SLIT2: variants seen among roughly 807,000 people sequenced by gnomAD.
SLIT2 encodes slit guidance ligand 2.
Under a neutral mutation model 185.7 loss-of-function variants are expected in SLIT2, and 41 were observed. The observed-to-expected ratio is 0.22, with a 90% confidence interval of 0.17 to 0.29. SLIT2 has a LOEUF of 0.29. SLIT2 is among the 10% of genes least tolerant of loss of function. The pLI is 1.00. For missense variants in SLIT2, 1,571 were observed against 1,909.0 expected (o/e 0.82, Z 3.30); for synonymous variants, 693 against 680.2 (o/e 1.02, Z -0.29).
At chr4:20,420,219 T>G (rs1728067224) in intron 4 of SLIT2, among the ~76,000 whole-genome samples, 1 of 152,172 alleles carries the variant, frequency 6.6e-6, no homozygotes, top group South Asian at 2.1e-4. Flanking sequence ...TAGGGTCTTC[T>G]CTGTCCACAT....
chr4:20,382,096 C>T (rs993776089), intron 4 of SLIT2, among the ~76,000 whole-genome samples: 4 of 151,870 alleles, frequency 2.6e-5, no homozygotes, highest in African/African-American at 9.7e-5. Flanking sequence ...AGAAATCAAG[C>T]ATTGAAATTC....
chr4:20,541,647 T>G (rs771244305), intron 20 of SLIT2, 28 bp downstream of exon 20: 2 of 1,601,258 alleles, frequency 1.2e-6, no homozygotes, highest in Non-Finnish European at 1.7e-6. Context: ...ACTCTTTGAT[T>G]GTCAGGCATT....
In SLIT2 at chr4:20,472,220, G is replaced by A. The variant is rs1026287496; in HGVS notation, c.467+4397G>A. ...AATTGCTTTAGAAATGTGTGTGTGT[G>A]TGTATATATATATAGATCTATATAT... is the stretch of plus-strand genomic sequence containing the variant. On this transcript the variant is annotated intron_variant, in intron 5 of 36. Coordinates refer to ENST00000504154, the MANE Select transcript of SLIT2 (RefSeq NM_004787.4). 3.9e-5 allele frequency among the ~76,000 whole-genome samples: 4 copies of A among 102,806 alleles called. No individual in the cohort carries two copies. The East Asian group carries it at 8.5e-4, about 22-fold the overall frequency. The allele number at this position is 102,806 out of a possible 152,430, so 67.4% of individuals were successfully genotyped here. A position where few individuals can be genotyped will look rare whatever the true frequency, so the allele number is the denominator to read the frequency against.
chr4:20,376,633 T>C (rs573037666), intron 4 of SLIT2, among the ~76,000 whole-genome samples: 1 of 152,252 alleles, frequency 6.6e-6, no homozygotes, highest in South Asian at 2.1e-4. Context: ...TATCTTTACA[T>C]ATGCATCTTC....
At chr4:20,527,659 G>A (rs1358879033) in intron 15 of SLIT2, among the ~76,000 whole-genome samples, 1 of 152,024 alleles carries the variant, frequency 6.6e-6, no homozygotes, top group East Asian at 1.9e-4. Context: ...GTTTTCTTGT[G>A]AGACCACCGT....
chr4:20,400,271 G>C (rs141556714), intron 4 of SLIT2, among the ~76,000 whole-genome samples: 30 of 151,826 alleles, frequency 2.0e-4, no homozygotes, highest in African/African-American at 7.0e-4. Context: ...GTAAAAGTGG[G>C]TGTGGAGAAA....
intron 30 of SLIT2, among the ~76,000 whole-genome samples, chr4:20,590,216 GTTTAGTACACT>G (rs1727411298): frequency 6.6e-6 from 1 of 152,020 alleles, no homozygotes; most frequent in African/African-American, 2.4e-5. Context: ...CAGACTTTTT[GTTTAGTACACT>G]AAAGAAAAAT....
chr4:20,600,542 C>A (rs1728330914), intron 33 of SLIT2, among the ~76,000 whole-genome samples: 1 of 151,238 alleles, frequency 6.6e-6, no homozygotes, highest in Non-Finnish European at 1.5e-5. Flanking sequence ...CCTGCCTCGG[C>A]CTCCCAAGTA....
rs751909048 is a variant in SLIT2 at position 20,484,562 on chromosome 4, C to A, written c.540-1638C>A. 1.3e-5 allele frequency among the ~76,000 whole-genome samples: 2 copies of A among 152,012 alleles called. No homozygotes were observed. The highest frequency in any genetic ancestry group is 2.4e-5 in the African/African-American group (1 of 41,392). ...ATGATCTGGGTCTCTAGCTGACATG[C>A]CCTGTTTTACTGAAAAGTTTTTGTC... On this transcript the variant is annotated intron_variant, in intron 6 of 36. Coordinates refer to ENST00000504154, the MANE Select transcript of SLIT2 (RefSeq NM_004787.4). The surrounding 1 kb of genome is among the most constrained non-coding windows in gnomAD (Gnocchi z 4.3).
chr4:20,395,482 G>A lies in SLIT2; in HGVS notation c.396-72270G>A, dbSNP rs372873978. ...AGGGACCATTGAGGTATTTTCTTCA[G>A]GAGGTATATGATGTGATATAATTTA... is the stretch of plus-strand genomic sequence containing the variant. On this transcript the variant is annotated intron_variant, in intron 4 of 36. Coordinates refer to ENST00000504154, the MANE Select transcript of SLIT2 (RefSeq NM_004787.4). Among the ~76,000 whole-genome samples the A allele has an allele frequency of 5.9e-5, 9 of 152,116 alleles. No individual in the cohort carries two copies. The East Asian group carries it at 1.2e-3, about 20-fold the overall frequency.
intron 4 of SLIT2, among the ~76,000 whole-genome samples, chr4:20,454,183 G>A (rs868136122): frequency 3.9e-5 from 6 of 152,172 alleles, no homozygotes; most frequent in African/African-American, 1.2e-4. Context: ...TGAGTTTCAT[G>A]CTGCATAACC....
intron 4 of SLIT2, among the ~76,000 whole-genome samples, chr4:20,361,076 G>T (rs1363990564): frequency 6.6e-6 from 1 of 152,066 alleles, no homozygotes; most frequent in Non-Finnish European, 1.5e-5. Context: ...TTACCTTGCA[G>T]GACATCCTTT....
chr4:20,569,067 C>G (rs750892049), intron 29 of SLIT2, 63 bp downstream of exon 29: 1 of 1,341,086 alleles, frequency 7.5e-7, no homozygotes, highest in South Asian at 1.2e-5. Context: ...ATCATTGGAA[C>G]TATGTTATAT....
chr4:20,495,326 AGAGTGT>A (rs1395985984), intron 9 of SLIT2, among the ~76,000 whole-genome samples: 1 of 152,212 alleles, frequency 6.6e-6, no homozygotes, highest in Admixed American at 6.5e-5. Flanking sequence ...GAGAGAAACG[AGAGTGT>A]GAGAGTTATA....
At chr4:20,472,385 T>TATATCTATATCTATA (rs1560453709) in intron 5 of SLIT2, among the ~76,000 whole-genome samples, 1 of 39,260 alleles carries the variant, frequency 2.5e-5, no homozygotes. Flanking sequence ...TCTATATATA[T>TATATCTATATCTATA]GTAGATATAT....
intron 4 of SLIT2, among the ~76,000 whole-genome samples, chr4:20,292,011 G>C (rs896035825): frequency 3.3e-5 from 5 of 151,592 alleles, no homozygotes; most frequent in Non-Finnish European, 7.4e-5. Flanking sequence ...ATAGACTATG[G>C]CTGGACTATG....
intron 5 of SLIT2, among the ~76,000 whole-genome samples, chr4:20,475,630 T>C (rs1287575956): frequency 6.6e-6 from 1 of 152,048 alleles, no homozygotes; most frequent in African/African-American, 2.4e-5. Flanking sequence ...TAATTTCTCC[T>C]TCCCAAGTTA....
At chr4:20,404,985 T>C (rs1726665014) in intron 4 of SLIT2, among the ~76,000 whole-genome samples, 1 of 151,108 alleles carries the variant, frequency 6.6e-6, no homozygotes, top group Non-Finnish European at 1.5e-5. Flanking sequence ...CTGTAAAAGA[T>C]TTTATTTGTA....
In SLIT2 at chr4:20,511,586, A is replaced by G. The variant is rs1189856009; in HGVS notation, c.1058+449A>G. On this transcript the variant is annotated intron_variant, in intron 11 of 36. Coordinates refer to ENST00000504154, the MANE Select transcript of SLIT2 (RefSeq NM_004787.4). ...CAGGCGCCTGCCACCACATCCAGCT[A>G]ATTTTTTTTTTTTTTTTATTTTTGG... Among the ~76,000 whole-genome samples, 5 of 25,458 alleles carry G rather than the reference A, an allele frequency of 2.0e-4. No homozygotes were observed. In the East Asian group the frequency reaches 0.024, roughly 120 times the overall value. The allele number at this position is 25,458 out of a possible 152,430, so 16.7% of individuals were successfully genotyped here.
Sources: gnomAD v4.1 joint callset for allele counts (sites outside exome capture counted in the v4.1 genomes callset) on GRCh38, gnomAD v4.1.1 for gene constraint, Gnocchi (gnomAD v3.1) non-coding constraint, MANE v1.5 for transcripts, NCBI Gene and HGNC (gene_info 2026-07-23, HGNC 2026-07-21) for gene names.